Variants in RLIG1 observed in about 807,000 individuals in gnomAD.
RLIG1 encodes the protein RNA ligase 1.
At chr12:88,042,842 G>T in the RLIG1 span, 1 of 1,512,348 alleles carries the variant, frequency 6.6e-7, no homozygotes, top group Non-Finnish European at 8.8e-7. Context: ...ATACCTTTGG[G>T]CTCGACTAGA....
At chr12:88,047,121 T>A in the RLIG1 span, 2 of 783,610 alleles carry the variant, frequency 2.6e-6, no homozygotes, top group African/African-American at 3.5e-5. Context: ...TGTACCACCA[T>A]TTTTTAAGAG....
At chr12:88,043,536 G>A in the RLIG1 span, 2 of 1,049,552 alleles carry the variant, frequency 1.9e-6, no homozygotes, top group Non-Finnish European at 2.8e-6. Flanking sequence ...TTTTGAGTCT[G>A]TTTAGTATTT....
the RLIG1 span, chr12:88,044,009 C>T: frequency 8.9e-5 from 29 of 327,270 alleles, no homozygotes; most frequent in Non-Finnish European, 1.3e-4. Flanking sequence ...GCAGTGGTCA[C>T]ACCTGTAATC....
chr12:88,036,073 G>C, the RLIG1 span: 2 of 1,384,176 alleles, frequency 1.4e-6, no homozygotes, highest in Admixed American at 4.3e-5. Context: ...CCCCTAATCA[G>C]GTAATTGCCA....
chr12:88,035,743 G>T, the RLIG1 span: 1 of 1,590,754 alleles, frequency 6.3e-7, no homozygotes, highest in East Asian at 2.3e-5. Context: ...CATCAGGTAC[G>T]GAGGAGCGCC....
At chr12:88,046,942 T>G in the RLIG1 span, 4 of 1,611,470 alleles carry the variant, frequency 2.5e-6, no homozygotes, top group African/African-American at 5.3e-5. Context: ...ATTGAAGGAA[T>G]AGTGTGGCAT....
the RLIG1 span, chr12:88,048,848 A>C: frequency 5.3e-6 from 1 of 188,732 alleles, no homozygotes; most frequent in South Asian, 1.7e-4. Context: ...GAGAATCTTA[A>C]CACATGTATA....
the RLIG1 span, chr12:88,049,300 C>G: frequency 1.9e-6 from 3 of 1,589,050 alleles, no homozygotes; most frequent in Non-Finnish European, 2.6e-6. Context: ...ACCTTCTCTT[C>G]TAAGAGAATA....
chr12:88,049,177 G>C, the RLIG1 span: 14 of 1,526,776 alleles, frequency 9.2e-6, no homozygotes, highest in East Asian at 1.1e-4. Context: ...AAGTTTATAG[G>C]TGACCTTTAG....
At chr12:88,047,095 T>G in the RLIG1 span, 1 of 1,049,744 alleles carries the variant, frequency 9.5e-7, no homozygotes, top group South Asian at 1.7e-5. Context: ...TAAAGAAATT[T>G]AATTTTCTCA....
chr12:88,035,967 C>G, the RLIG1 span: 1 of 1,522,586 alleles, frequency 6.6e-7, no homozygotes, highest in Non-Finnish European at 8.8e-7. Context: ...AAGAATTTTC[C>G]TTATCAGGAG....
the RLIG1 span, chr12:88,047,120 A>G: frequency 1.3e-6 from 1 of 785,106 alleles, no homozygotes; most frequent in Admixed American, 2.7e-5. Context: ...ATGTACCACC[A>G]TTTTTTAAGA....
At chr12:88,048,270 C>A in the RLIG1 span, 1 of 1,593,938 alleles carries the variant, frequency 6.3e-7, no homozygotes. Context: ...CTGGCCAATT[C>A]CAGATACTTA....
chr12:88,045,850 A>G, the RLIG1 span: 1 of 1,219,274 alleles, frequency 8.2e-7, no homozygotes, highest in Non-Finnish European at 1.2e-6. Context: ...AGGTCAACTT[A>G]AAAAACATAC....
At chr12:88,042,882 G>T in the RLIG1 span, 5 of 1,565,236 alleles carry the variant, frequency 3.2e-6, no homozygotes, top group African/African-American at 1.4e-5. Context: ...GCTGAAAAAA[G>T]ATTTAAAAAT....
chr12:88,045,497 T>C, the RLIG1 span: 1 of 1,005,032 alleles, frequency 9.9e-7, no homozygotes, highest in South Asian at 1.7e-5. Context: ...ACATGAGAAA[T>C]TTACAACAAA....
At chr12:88,038,824 T>A in the RLIG1 span, among the ~76,000 whole-genome samples, 1 of 152,206 alleles carries the variant, frequency 6.6e-6, no homozygotes, top group Non-Finnish European at 1.5e-5. Context: ...ATGCAAGCTC[T>A]GTGACAATGA....
chr12:88,050,064 A>C, the RLIG1 span: 3 of 230,464 alleles, frequency 1.3e-5, no homozygotes, highest in African/African-American at 6.9e-5. Context: ...TTCAAAAAAA[A>C]AATAAAGACA....
At chr12:88,049,267 C>T in the RLIG1 span, 1 of 1,609,652 alleles carries the variant, frequency 6.2e-7, no homozygotes, top group Non-Finnish European at 8.5e-7. Flanking sequence ...AATTCAACTC[C>T]CAATTGTTCT....
Sources: gnomAD v4.1 joint callset for allele counts (sites outside exome capture counted in the v4.1 genomes callset) on GRCh38, gnomAD v4.1.1 for gene constraint, MANE v1.5 for transcripts, NCBI Gene and HGNC (gene_info 2026-07-23, HGNC 2026-07-21) for gene names.